Variants in LINGO1 observed in about 807,000 individuals in gnomAD.
LINGO1 encodes leucine-rich repeat and immunoglobulin-like domain-containing nogo receptor-interacting protein 1.
In LINGO1, 11 loss-of-function variants were observed where a neutral mutation model predicts 37.3. The observed-to-expected ratio is 0.29, with a 90% CI of 0.19 to 0.49. The LOEUF is 0.49. LINGO1 is among the 20% of genes least tolerant of loss of function. The probability of loss-of-function intolerance (pLI) is 0.99; values close to 1 mark genes in which losing one functional copy is unlikely to be tolerated. For missense variants in LINGO1, 585 were observed against 878.2 expected (o/e 0.67, Z 4.22); for synonymous variants, 387 against 403.0 (o/e 0.96, Z 0.48).
chr15:77,775,755 G>A (rs896852375), intron 1 of LINGO1, among the ~76,000 whole-genome samples: 6 of 152,196 alleles, frequency 3.9e-5, no homozygotes, highest in Non-Finnish European at 7.3e-5. Flanking sequence ...TAAAGAGTTA[G>A]TTTCCTAAGT....
chr15:77,645,387 C>G (rs1215067320), intron 3 of LINGO1, among the ~76,000 whole-genome samples: 1 of 152,236 alleles, frequency 6.6e-6, no homozygotes, highest in East Asian at 1.9e-4. Context: ...ATCACTGCCT[C>G]TCTCCCAAGA....
chr15:77,776,799 A>G (rs1428977543), intron 1 of LINGO1, among the ~76,000 whole-genome samples: 6 of 152,186 alleles, frequency 3.9e-5, no homozygotes, highest in Non-Finnish European at 7.4e-5. Context: ...GAGCTGACAC[A>G]TTCTAAGCAT....
chr15:77,613,965 G>A lies in LINGO1; in HGVS notation c.*79C>T, dbSNP rs2073593226. ...TAGAAGGGTAGGGAGGAGGTGGGAA[G>A]GACTGGAGAGTGAGCAGGTGGCGGC... On this transcript the variant is annotated 3_prime_UTR_variant, in exon 2 of 2. Transcript: ENST00000355300. 3 of 1,163,848 alleles carry A rather than the reference G, an allele frequency of 2.6e-6. No individual in the cohort carries two copies. Among genetic ancestry groups the A allele is most frequent in the Non-Finnish European group, 3.6e-6 (3 of 827,288 alleles). 72.1% of individuals were successfully genotyped at this position (1,163,848 alleles called of 1,614,324 possible).
At chr15:77,748,595 A>G (rs894598915) in intron 1 of LINGO1, among the ~76,000 whole-genome samples, 12 of 152,274 alleles carry the variant, frequency 7.9e-5, no homozygotes, top group Admixed American at 6.5e-4. Flanking sequence ...GAAGCAACAC[A>G]TGGAGGAAGG....
chr15:77,776,518 AAGGGAGGAAGGG>A (rs1250058515), intron 1 of LINGO1, among the ~76,000 whole-genome samples: 13 of 49,572 alleles, frequency 2.6e-4, no homozygotes, highest in Admixed American at 1.3e-3. Context: ...GGAAGGCAGG[AAGGGAGGAAGGG>A]AGGGAGGGAG....
At chr15:77,758,056 T>A (rs2076438030) in intron 1 of LINGO1, among the ~76,000 whole-genome samples, 1 of 152,216 alleles carries the variant, frequency 6.6e-6, no homozygotes. Context: ...TGAGGCTAAT[T>A]TAAACATTTA....
Position 77,614,746 on chromosome 15 carries a change from G to C in LINGO1, c.1161C>G (p.Leu387=), listed in dbSNP as rs993084852. The C allele has an allele frequency of 2.5e-6, 4 of 1,606,724 alleles. No homozygotes were observed. The highest frequency in any genetic ancestry group is 3.4e-6 in the Non-Finnish European group (4 of 1,176,790). The stretch of plus-strand genomic sequence containing the variant: ...ACGTGGGCTGCTGCCGGTTGAAGTT[G>C]AGCCGCCAGCGGCGCCGGAACACCC... ...LLWVFRRRWR[L]NFNRQQPTCA... The change falls in exon 2 of 2, where the codon CTC becomes CTG. Residue 387 remains leucine (L), a synonymous_variant. Coordinates refer to ENST00000355300, the MANE Select transcript of LINGO1 (RefSeq NM_032808.7).
At chr15:77,758,166 C>T (rs1022901764) in intron 1 of LINGO1, among the ~76,000 whole-genome samples, 3 of 152,068 alleles carry the variant, frequency 2.0e-5, no homozygotes, top group Non-Finnish European at 4.4e-5. Context: ...CTGCATGGTT[C>T]GAGGGTTAGA....
intron 1 of LINGO1, among the ~76,000 whole-genome samples, chr15:77,619,775 A>G (rs2073862420): frequency 6.6e-6 from 1 of 152,234 alleles, no homozygotes; most frequent in Non-Finnish European, 1.5e-5. Flanking sequence ...AAGCTGGGTC[A>G]GCCTTGCCCT....
chr15:77,671,278 G>GGAGGGAAGAAGGGAGAA (rs2075243304), intron 3 of LINGO1, among the ~76,000 whole-genome samples: 1 of 151,680 alleles, frequency 6.6e-6, no homozygotes, highest in Non-Finnish European at 1.5e-5. Context: ...GCAGGGAAAG[G>GGAGGGAAGAAGGGAGAA]GAGGGAAGAG....
chr15:77,772,550 C>T (rs779082012), intron 1 of LINGO1, among the ~76,000 whole-genome samples: 23 of 152,032 alleles, frequency 1.5e-4, no homozygotes, highest in Non-Finnish European at 2.5e-4. Context: ...CCGCTGTCAA[C>T]GCCCCAAATC....
intron 2 of LINGO1, among the ~76,000 whole-genome samples, chr15:77,716,983 A>C (rs2075992059): frequency 6.6e-6 from 1 of 150,438 alleles, no homozygotes; most frequent in Non-Finnish European, 1.5e-5. Context: ...TAAAAAGAGA[A>C]GAGAAAACAA....
intron 3 of LINGO1, among the ~76,000 whole-genome samples, chr15:77,676,304 T>C (rs7180097): frequency 0.4 from 61,625 of 152,202 alleles, 13,234 homozygotes; most frequent in African/African-American, 0.55. Context: ...ACTGGGGGTT[T>C]AGCCCCCCAA....
chr15:77,699,773 A>ACCTGCATACAGTAAGCACATAC (rs2075756865), upstream of LINGO1, among the ~76,000 whole-genome samples: 8 of 149,872 alleles, frequency 5.3e-5, no homozygotes, highest in South Asian at 2.1e-4. Flanking sequence ...ACTAACCATC[A>ACCTGCATACAGTAAGCACATAC]TTCCCCCCCT....
At position 77,792,260 on chromosome 15, in the gene LINGO1, G is replaced by C. The variant is rs555478765; in HGVS notation, c.-343+3679C>G. 9.9e-5 allele frequency among the ~76,000 whole-genome samples: 15 copies of C among 152,266 alleles called. No individual in the cohort carries two copies. In the South Asian group the frequency reaches 2.9e-3, roughly 30 times the overall value. On this transcript the variant is annotated intron_variant, in intron 2 of 5. Coordinates refer to the LINGO1 transcript ENST00000562933. The stretch of plus-strand genomic sequence containing the variant: ...AGTCCACAGCCCATCCTTCAGCAAC[G>C]CCTTCAAAGTCTCCAAACGCAAGCC...
At chr15:77,811,476 C>T (rs557849690) in intron 1 of LINGO1, among the ~76,000 whole-genome samples, 2 of 152,016 alleles carry the variant, frequency 1.3e-5, no homozygotes, top group African/African-American at 4.8e-5. Flanking sequence ...CATCCGCAGC[C>T]TGCCTCCTAG....
chr15:77,802,115 G>C (rs2141464540), intron 1 of LINGO1, among the ~76,000 whole-genome samples: 1 of 152,300 alleles, frequency 6.6e-6, no homozygotes, highest in Non-Finnish European at 1.5e-5. Context: ...TATATGTACA[G>C]AGAGTGGGGG....
intron 2 of LINGO1, among the ~76,000 whole-genome samples, chr15:77,683,047 A>C (rs757877818): frequency 1.1e-4 from 17 of 152,342 alleles, no homozygotes; most frequent in Non-Finnish European, 1.5e-4. Context: ...AGAAAAAGGC[A>C]AAAAGAAAAG....
At chr15:77,711,471 G>T (rs1481306273) in intron 2 of LINGO1, among the ~76,000 whole-genome samples, 1 of 152,184 alleles carries the variant, frequency 6.6e-6, no homozygotes, top group East Asian at 1.9e-4. Context: ...CCTGAGGCCT[G>T]CATCCTGCTT....
Sources: gnomAD v4.1 joint callset for allele counts (sites outside exome capture counted in the v4.1 genomes callset) on GRCh38, gnomAD v4.1.1 for gene constraint, MANE v1.5 for transcripts, NCBI Gene and HGNC (gene_info 2026-07-23, HGNC 2026-07-21) for gene names.